CHGA: variants seen among roughly 807,000 people sequenced by gnomAD.
CHGA encodes the protein chromogranin A.
Under a neutral mutation model 54.4 loss-of-function variants are expected in CHGA, and 41 were observed. The ratio of observed to expected loss-of-function variants is 0.75; its 90% confidence interval spans 0.59 to 0.98. CHGA has a LOEUF of 0.98. Ranked by LOEUF, CHGA falls within the 50% of genes least tolerant of loss-of-function variation. The pLI, the probability that CHGA is intolerant of heterozygous loss-of-function variation, is 0.00. For missense variants in CHGA, 576 were observed against 582.3 expected, an observed-to-expected ratio of 0.99 and a Z score of 0.11; for synonymous variants, 249 against 232.8, an observed-to-expected ratio of 1.07 and a Z score of -0.63.
In CHGA at chr14:92,934,877, G is replaced by C; in HGVS notation, c.1367G>C (p.Arg456Pro). 2 of 1,566,876 alleles carry C rather than the reference G, an allele frequency of 1.3e-6. No homozygotes were observed. The highest frequency in any genetic ancestry group is 1.7e-6 in the Non-Finnish European group (2 of 1,158,022). Reference protein sequence around the residue: ...KVAHQLQALRRG With the variant: ...KVAHQLQALRPG ...GCCCACCAGCTGCAGGCACTACGGC[G>C]GGGCTGAGACACCGGCTGGCAGGGC... The change falls in exon 8 of 8, where the codon CGG (arginine) becomes CCG (proline). Residue 456 changes from arginine to proline, a missense_variant. Arg to Pro is a moderately radical substitution (Grantham distance 103). Coordinates refer to ENST00000216492, the MANE Select transcript of CHGA (RefSeq NM_001275.4).
At chr14:92,924,068 A>G in intron 1 of CHGA, 131 bp from the exon 2 acceptor site, 2 of 1,023,620 alleles carry the variant, frequency 2.0e-6, no homozygotes, top group South Asian at 1.4e-5. Context: ...AATCAGCCCT[A>G]GCCTCTCTTT....
chr14:92,923,120 A>T (rs887991861), upstream of CHGA: 3 of 323,148 alleles, frequency 9.3e-6, no homozygotes, highest in African/African-American at 6.5e-5. Flanking sequence ...GGGTCGGGGT[A>T]TATAAGCGGG....
chr14:92,928,426 G>A (rs1040989986), intron 4 of CHGA, among the ~76,000 whole-genome samples: 2 of 152,154 alleles, frequency 1.3e-5, no homozygotes, highest in Non-Finnish European at 2.9e-5. Flanking sequence ...CTAACACACT[G>A]TTCTTCCTCC....
chr14:92,934,209 G>A (rs12878661), intron 7 of CHGA, among the ~76,000 whole-genome samples: 41,392 of 152,130 alleles, frequency 0.27, 5,940 homozygotes, highest in Middle Eastern at 0.39. Flanking sequence ...TTCTGCAGAC[G>A]GGCATAGAAC....
chr14:92,930,098 C>T (rs1037423667), intron 5 of CHGA, among the ~76,000 whole-genome samples: 3 of 152,236 alleles, frequency 2.0e-5, no homozygotes, highest in African/African-American at 7.2e-5. Context: ...AGATCTCTGG[C>T]ATGGCAGGTG....
intron 4 of CHGA, among the ~76,000 whole-genome samples, 175 bp downstream of exon 4, chr14:92,927,793 GA>G (rs1300675124): frequency 6.6e-6 from 1 of 152,198 alleles, no homozygotes; most frequent in Admixed American, 6.5e-5. Context: ...TATTGTTAAA[GA>G]AATCAAGGCC....
At position 92,931,418 on chromosome 14, in the gene CHGA, A is replaced by G. The variant is rs544894375; in HGVS notation, c.524A>G (p.Glu175Gly). ...AATCAGGCCCCTGGGGAGGAAGAGG[A>G]GGAGGAGGAGGAGGCCACCAACACC... ...GNNQAPGEEE[E>G]EEEEATNTHP... Residue 175 changes from glutamate to glycine, a missense_variant, in exon 6 of 8, where the codon GAG becomes GGG. Physicochemically the swap from Glu to Gly is moderately conservative, Grantham distance 98. Coordinates refer to ENST00000216492, the MANE Select transcript of CHGA (RefSeq NM_001275.4). 5 of 1,608,714 alleles carry G rather than the reference A, an allele frequency of 3.1e-6. No individual in the cohort carries two copies. In the African/African-American group the frequency reaches 6.7e-5, roughly 21 times the overall value.
intron 7 of CHGA, among the ~76,000 whole-genome samples, chr14:92,933,692 C>T (rs993142380): frequency 3.3e-5 from 5 of 152,180 alleles, no homozygotes; most frequent in Non-Finnish European, 7.4e-5. Context: ...GCCCCCGACC[C>T]CCTCTCTGGG....
At chr14:92,927,934 C>A (rs1228500036) in intron 4 of CHGA, among the ~76,000 whole-genome samples, 1 of 152,208 alleles carries the variant, frequency 6.6e-6, no homozygotes, top group Non-Finnish European at 1.5e-5. Context: ...GTGAGCCACT[C>A]GTCACTGATG....
At chr14:92,928,748 G>A (rs1821689364) in intron 4 of CHGA, among the ~76,000 whole-genome samples, 1 of 152,196 alleles carries the variant, frequency 6.6e-6, no homozygotes, top group African/African-American at 2.4e-5. Flanking sequence ...CGTATAAGCA[G>A]TATCCAATAT....
At position 92,927,595 on chromosome 14, in the gene CHGA, A is replaced by G. The variant is rs750287019; in HGVS notation, c.233A>G (p.Glu78Gly). 6.2e-7 allele frequency: 1 copy of G among 1,613,694 alleles called. No homozygotes were observed. Among genetic ancestry groups the G allele is most frequent in the South Asian group, 1.1e-5 (1 of 91,008 alleles). Residue 78 changes from glutamate to glycine, a missense_variant, in exon 4 of 8, where the codon GAG becomes GGG. Glu to Gly is a moderately conservative substitution (Grantham distance 98). Transcript: ENST00000216492. Reference protein sequence around the residue: ...SILRHQNLLKELQDLALQGAK... With the variant: ...SILRHQNLLKGLQDLALQGAK... ...CTGAGACATCAGAATTTACTGAAGG[A>G]GCTCCAAGACCTCGCTCTCCAAGGT... is the stretch of plus-strand genomic sequence containing the variant.
In CHGA at chr14:92,923,156, G is replaced by A. The variant is rs1349113366; in HGVS notation, c.-204G>A. 2.7e-6 allele frequency: 1 copy of A among 367,196 alleles called. No individual in the cohort carries two copies. The highest frequency in any genetic ancestry group is 4.7e-6 in the Non-Finnish European group (1 of 212,226). The allele number at this position is 367,196 out of a possible 1,614,324, so 22.7% of individuals were successfully genotyped here. A position where few individuals can be genotyped will look rare whatever the true frequency, so the allele number is the denominator to read the frequency against. ...GCGCGAGGGCGCTGCTGCTGCCACC[G>A]CTCCTGCCACTGCAGTGCTCGAGCC... On this transcript the variant is annotated 5_prime_UTR_variant, in exon 1 of 8. Transcript: ENST00000216492.
At chr14:92,934,681 G>A in intron 7 of CHGA, 120 bp from the exon 8 acceptor site, 1 of 704,486 alleles carries the variant, frequency 1.4e-6, no homozygotes, top group Non-Finnish European at 2.5e-6. Context: ...ATGGATGAGG[G>A]TACAGAGAGA....
rs140054528 is a variant in CHGA at position 92,926,637 on chromosome 14, C to T, written c.126C>T (p.Asp42=). The T allele has an allele frequency of 2.9e-5, 46 of 1,613,880 alleles. No individual in the cohort carries two copies. The African/African-American group carries it at 5.1e-4, about 18-fold the overall frequency. The part of the protein sequence containing the change: ...VMKCIVEVIS[D]TLSKPSPMPV... ...AATGCATCGTTGAGGTCATCTCCGA[C>T]ACACTTTCCAAGCCCAGCCCCATGC... is the stretch of plus-strand genomic sequence containing the variant. The change falls in exon 3 of 8, where the codon GAC becomes GAT. Residue 42 remains aspartate, a synonymous_variant. Coordinates refer to ENST00000216492, the MANE Select transcript of CHGA (RefSeq NM_001275.4).
chr14:92,930,437 G>A (rs1886972163), intron 5 of CHGA, among the ~76,000 whole-genome samples: 1 of 152,240 alleles, frequency 6.6e-6, no homozygotes, highest in Admixed American at 6.5e-5. Flanking sequence ...GGATCCTGGT[G>A]TCTCCCATCT....
chr14:92,924,224 T>C lies in CHGA; in HGVS notation c.72T>C (p.Pro24=). 2 of 1,612,452 alleles carry C rather than the reference T, an allele frequency of 1.2e-6. No homozygotes were observed. The highest frequency in any genetic ancestry group is 1.1e-5 in the South Asian group (1 of 90,434). The change falls in exon 2 of 8, where the codon CCT becomes CCC. Residue 24 remains proline (P), a synonymous_variant. Transcript: ENST00000216492. The part of the protein sequence containing the change: ...GQVTALPVNS[P]MNKGDTEVMK... ...TCACTGCGCTCCCTGTGAACAGCCCTATGAATAAAGGGGATACCGAGGTAA... is the reference window on the plus strand; with the variant it reads ...TCACTGCGCTCCCTGTGAACAGCCCCATGAATAAAGGGGATACCGAGGTAA...
intron 1 of CHGA, 77 bp downstream of exon 1, chr14:92,923,482 G>C: frequency 8.5e-7 from 1 of 1,176,810 alleles, no homozygotes; most frequent in Non-Finnish European, 1.1e-6. Context: ...ACCGCGCGGC[G>C]CCCCGCACCC....
intron 1 of CHGA, 41 bp downstream of exon 1, chr14:92,923,446 GC>G (rs1886825473): frequency 2.6e-5 from 33 of 1,245,804 alleles, no homozygotes; most frequent in Non-Finnish European, 3.3e-5. Context: ...GGTTCCGGGC[GC>G]CCCTGCCCAC....
chr14:92,923,540 C>A, intron 1 of CHGA, 135 bp downstream of exon 1: 1 of 732,502 alleles, frequency 1.4e-6, no homozygotes, highest in Non-Finnish European at 1.9e-6. Context: ...CCGCGGACAG[C>A]GCCTCCGCCT....
Sources: gnomAD v4.1 joint callset for allele counts (sites outside exome capture counted in the v4.1 genomes callset) on GRCh38, gnomAD v4.1.1 for gene constraint, MANE v1.5 for transcripts, NCBI Gene and HGNC (gene_info 2026-07-23, HGNC 2026-07-21) for gene names.